Variants in LMF1 observed in about 807,000 individuals in gnomAD.
LMF1 encodes transmembrane protein 112.
LMF1 carries 68 observed loss-of-function variants against 60.6 expected under a neutral mutation model. That is an observed-to-expected ratio of 1.12 (90% CI 0.92 to 1.37). The LOEUF (loss-of-function observed/expected upper bound fraction) is 1.37. LMF1 is among the 40% of genes most tolerant of loss of function. LMF1 has a pLI of 0.00. For synonymous variants in LMF1, 418 were observed against 324.7 expected (o/e 1.29, Z -3.09); for missense variants, 948 against 767.2 (o/e 1.24, Z -2.78).
chr16:958,249 T>C (rs909766745), intron 1 of LMF1, among the ~76,000 whole-genome samples: 1 of 152,220 alleles, frequency 6.6e-6, no homozygotes, highest in Non-Finnish European at 1.5e-5. Flanking sequence ...AATTGAACTT[T>C]ATCAAACTGA....
At chr16:938,891 A>G (rs1021236787) in intron 2 of LMF1, among the ~76,000 whole-genome samples, 2 of 152,262 alleles carry the variant, frequency 1.3e-5, no homozygotes, top group African/African-American at 4.8e-5. Context: ...GGCCGTTTCG[A>G]CAAAGCACCT....
intron 5 of LMF1, among the ~76,000 whole-genome samples, chr16:889,136 A>T (rs2070401008): frequency 1.3e-5 from 2 of 152,202 alleles, no homozygotes; most frequent in South Asian, 4.1e-4. Flanking sequence ...GGTGGAGTCC[A>T]CAGAGATCTG....
At chr16:880,599 G>C (rs1057132928) in intron 5 of LMF1, among the ~76,000 whole-genome samples, 1 of 152,246 alleles carries the variant, frequency 6.6e-6, no homozygotes. Flanking sequence ...GAACCCAGGA[G>C]GTAGAGGCTG....
intron 1 of LMF1, chr16:979,219 C>T (rs573824510): frequency 3.8e-5 from 15 of 396,646 alleles, no homozygotes; most frequent in Non-Finnish European, 7.7e-5. Context: ...GTGGCTCACA[C>T]CCGCGGAGGA....
At chr16:924,874 G>T (rs1457344764) in intron 3 of LMF1, among the ~76,000 whole-genome samples, 1 of 152,262 alleles carries the variant, frequency 6.6e-6, no homozygotes, top group Non-Finnish European at 1.5e-5. Context: ...GGCGGTTTAG[G>T]CAAGGGAGAG....
intron 5 of LMF1, among the ~76,000 whole-genome samples, chr16:889,096 G>A (rs540161760): frequency 4.9e-4 from 74 of 152,328 alleles, no homozygotes; most frequent in Non-Finnish European, 9.8e-4. Flanking sequence ...GGTAGAGGTC[G>A]TCAGAACTGA....
At chr16:974,005 G>A (rs1240881608), upstream of LMF1, among the ~76,000 whole-genome samples, 3 of 138,540 alleles carry the variant, frequency 2.2e-5, no homozygotes, top group African/African-American at 8.4e-5. Flanking sequence ...GCGAGACTCT[G>A]TCTCAAAAAA....
At chr16:872,463 AAAC>A (rs2069826946) in intron 6 of LMF1, 1 of 152,266 alleles carries the variant, frequency 6.6e-6, no homozygotes, top group African/African-American at 2.4e-5. Flanking sequence ...CTGAGCCCCA[AAAC>A]AGTTATTTCT....
At position 888,885 on chromosome 16, in the gene LMF1, A is replaced by C. The variant is rs183557167; in HGVS notation, c.729+4122T>G. ...CAGCCAGTGTCAGGCAGCAGCCATG[A>C]GGCAGAGGCGTCCTCAGCTGGGACA... On this transcript the variant is annotated intron_variant, in intron 5 of 10. Transcript: ENST00000262301. 1.3e-3 allele frequency among the ~76,000 whole-genome samples: 195 copies of C among 152,328 alleles called. 2 individuals are homozygous for C. Among genetic ancestry groups the C allele is most frequent in the African/African-American group, 4.5e-3 (189 of 41,574 alleles).
rs753409067 is a variant in LMF1 at position 869,918 on chromosome 16, G to A, written c.1381C>T (p.Arg461Cys). Residue 461 changes from arginine to cysteine, a missense_variant, in exon 9 of 11, where the codon CGC (arginine) becomes TGC (cysteine). Coordinates refer to ENST00000262301, the MANE Select transcript of LMF1 (RefSeq NM_022773.4). ...RPCLISPYHY[R>C]LDWLMWFAAF... is the part of the protein sequence containing the mutation. ...GCGAACCACATCAGCCAGTCCAGGCGGTAGTGGTACGGGGAGATGAGGCAG... is the reference window on the plus strand; with the variant it reads ...GCGAACCACATCAGCCAGTCCAGGCAGTAGTGGTACGGGGAGATGAGGCAG... 1.5e-5 allele frequency: 24 copies of A among 1,613,046 alleles called. No homozygotes were observed. Among genetic ancestry groups the A allele is most frequent in the Middle Eastern group, 1.6e-4 (1 of 6,084 alleles).
At position 932,256 on chromosome 16, in the gene LMF1, C is replaced by T. The variant is rs1418146963; in HGVS notation, c.514+1988G>A. Among the ~76,000 whole-genome samples the T allele has an allele frequency of 2.0e-5, 3 of 152,346 alleles. No homozygotes were observed. The East Asian group carries it at 5.8e-4, about 29-fold the overall frequency. On this transcript the variant is annotated intron_variant, in intron 3 of 10. Transcript: ENST00000262301. ...GCACGGGGAGGGTGGGCTCCAGGCC[C>T]TCTCATCCTCAGCGATGGGTCCTGT...
intron 5 of LMF1, among the ~76,000 whole-genome samples, chr16:891,524 C>T (rs1379762046): frequency 1.3e-5 from 2 of 152,240 alleles, no homozygotes; most frequent in African/African-American, 4.8e-5. Flanking sequence ...GCCACCGGTG[C>T]TGGGCCAGGG....
At chr16:934,183 T>C (rs368551315) in intron 3 of LMF1, 61 bp downstream of exon 3, 1 of 1,598,992 alleles carries the variant, frequency 6.3e-7, no homozygotes, top group African/African-American at 1.3e-5. Flanking sequence ...TGCGTGAAGA[T>C]ACATACCAAA....
At chr16:854,870 C>G (rs989089160) in intron 10 of LMF1, 164 bp from the exon 11 acceptor site, 4 of 683,666 alleles carry the variant, frequency 5.9e-6, no homozygotes, top group Non-Finnish European at 1.0e-5. Context: ...CAGCAGACCC[C>G]GGGCAGGGCA....
At chr16:935,401 C>T (rs1350374715) in intron 2 of LMF1, among the ~76,000 whole-genome samples, 1 of 152,142 alleles carries the variant, frequency 6.6e-6, no homozygotes, top group East Asian at 1.9e-4. Context: ...AGAATGTTTT[C>T]AACGTGGTGC....
At chr16:929,586 C>T (rs888433129) in intron 3 of LMF1, among the ~76,000 whole-genome samples, 5 of 152,214 alleles carry the variant, frequency 3.3e-5, no homozygotes, top group African/African-American at 1.2e-4. Context: ...CAGATCCAGG[C>T]TCACTGAATA....
At chr16:909,044 G>T (rs2071039058) in intron 4 of LMF1, among the ~76,000 whole-genome samples, 1 of 152,214 alleles carries the variant, frequency 6.6e-6, no homozygotes, top group African/African-American at 2.4e-5. Flanking sequence ...AGCTGAGCCT[G>T]CAGTGACCCC....
intron 5 of LMF1, among the ~76,000 whole-genome samples, chr16:880,512 A>T (rs1444466378): frequency 6.6e-6 from 1 of 152,236 alleles, no homozygotes; most frequent in Non-Finnish European, 1.5e-5. Context: ...TTTCTATAAA[A>T]ATAAAAAATT....
At chr16:892,248 G>A (rs1312552806) in intron 5 of LMF1, among the ~76,000 whole-genome samples, 1 of 152,222 alleles carries the variant, frequency 6.6e-6, no homozygotes, top group East Asian at 1.9e-4. Context: ...GCTTCCGCGT[G>A]CAGGTGCGAG....
Sources: gnomAD v4.1 joint callset for allele counts (sites outside exome capture counted in the v4.1 genomes callset) on GRCh38, gnomAD v4.1.1 for gene constraint, MANE v1.5 for transcripts, NCBI Gene and HGNC (gene_info 2026-07-23, HGNC 2026-07-21) for gene names.